Variants in ARAP2 observed in about 807,000 individuals in gnomAD.
ARAP2 encodes the protein arf-GAP with Rho-GAP domain, ANK repeat and PH domain-containing protein 2.
In ARAP2, 148 loss-of-function variants were observed where a neutral mutation model predicts 194.5. That is an observed-to-expected ratio of 0.76 (90% confidence interval 0.67 to 0.87). The LOEUF (loss-of-function observed/expected upper bound fraction) is 0.87. Among genes scored for constraint, ARAP2 ranks in the 40% least tolerant of loss-of-function variants. The pLI, the probability that ARAP2 is intolerant of heterozygous loss-of-function variation, is 0.00. For synonymous variants in ARAP2, 695 were observed against 683.5 expected (o/e 1.02, Z -0.26); for missense variants, 2,128 against 1,989.7 (o/e 1.07, Z -1.32).
chr4:36,151,701 T>G (rs58534135), intron 15 of ARAP2, among the ~76,000 whole-genome samples: 1 of 152,164 alleles, frequency 6.6e-6, no homozygotes, highest in African/African-American at 2.4e-5. Flanking sequence ...GCATACTGAA[T>G]TACTAAAGGT....
chr4:36,124,219 A>G (rs1053577047), intron 22 of ARAP2, among the ~76,000 whole-genome samples: 2 of 151,866 alleles, frequency 1.3e-5, no homozygotes, highest in African/African-American at 4.8e-5. Context: ...AAATTTACTC[A>G]AGAGAGTATT....
chr4:36,213,280 C>T lies in ARAP2; in HGVS notation c.1004G>A (p.Gly335Glu). 1 of 1,608,262 alleles carries T rather than the reference C, an allele frequency of 6.2e-7. No individual in the cohort carries two copies. Among genetic ancestry groups the T allele is most frequent in the Non-Finnish European group, 8.5e-7 (1 of 1,175,280 alleles). Reference protein sequence around the residue: ...EENSSSIFPYGETFLFQRLEN... With the variant: ...EENSSSIFPYEETFLFQRLEN... ...TAGTCTCTGGAAGAGAAAGGTCTCT[C>T]CATAAGGAAAGATGGAAGATGAATT... Residue 335 changes from glycine (G) to glutamate (E), a missense_variant, in exon 4 of 33, where the codon GGA becomes GAA. Coordinates refer to ENST00000303965, the MANE Select transcript of ARAP2 (RefSeq NM_015230.4).
rs773807295 is a variant in ARAP2, at chr4:36,228,636, A to C, written c.851T>G (p.Leu284Arg). 6.2e-7 allele frequency: 1 copy of C among 1,614,032 alleles called. No homozygotes were observed. ...LVSRPSRSFL[L>R]RHRPVPEIPG... ...AATCTCTGGTACAGGTCGATGTCTTAGCAGAAAAGATCGAGATGGTCTTGA... is the reference window on the plus strand; with the variant it reads ...AATCTCTGGTACAGGTCGATGTCTTCGCAGAAAAGATCGAGATGGTCTTGA... The change falls in exon 2 of 33, where the codon CTA becomes CGA. Residue 284 changes from leucine (L) to arginine (R), a missense_variant. Physicochemically the swap from Leu to Arg is moderately radical, Grantham distance 102. Transcript: ENST00000303965.
chr4:36,211,265 T>G (rs1361668705), intron 5 of ARAP2, among the ~76,000 whole-genome samples: 1 of 152,144 alleles, frequency 6.6e-6, no homozygotes, highest in Non-Finnish European at 1.5e-5. Flanking sequence ...TATTTTGCAA[T>G]GCTGATGAGG....
intron 28 of ARAP2, among the ~76,000 whole-genome samples, chr4:36,088,557 G>A (rs1313234264): frequency 1.3e-5 from 2 of 152,038 alleles, no homozygotes; most frequent in Admixed American, 6.6e-5. Flanking sequence ...TTCAAATGCA[G>A]TATATAATAT....
chr4:36,084,249 C>T (rs1430507340), intron 28 of ARAP2, among the ~76,000 whole-genome samples: 1 of 152,074 alleles, frequency 6.6e-6, no homozygotes, highest in East Asian at 1.9e-4. Flanking sequence ...AGTTCTGTCC[C>T]TCTAGAGGAC....
intron 15 of ARAP2, 88 bp downstream of exon 15, chr4:36,158,642 C>T: frequency 8.6e-7 from 1 of 1,168,112 alleles, no homozygotes; most frequent in Non-Finnish European, 1.2e-6. Flanking sequence ...AATCTAACAT[C>T]TCAAAAAAAT....
At chr4:36,171,954 T>C (rs377698193) in intron 9 of ARAP2, among the ~76,000 whole-genome samples, 2 of 152,176 alleles carry the variant, frequency 1.3e-5, no homozygotes. Context: ...ATTCTTATTA[T>C]GAAAAATAGG....
In ARAP2 at chr4:36,106,159, G is replaced by T. The variant is rs1055102397; in HGVS notation, c.4285+1406C>A. ...GTTCCATGTCTTGTGGGCGGGGAGG[G>T]GAGGGAGGGGAAATCATTCCTAGCT... On this transcript the variant is annotated intron_variant, in intron 27 of 32. Coordinates refer to ENST00000303965, the MANE Select transcript of ARAP2 (RefSeq NM_015230.4). 3.3e-5 allele frequency among the ~76,000 whole-genome samples: 5 copies of T among 152,036 alleles called. No homozygotes were observed. In the East Asian group the frequency reaches 9.8e-4, roughly 30 times the overall value.
chr4:36,032,287 C>T (rs764774777), intron 5 of ARAP2, among the ~76,000 whole-genome samples: 9 of 152,140 alleles, frequency 5.9e-5, no homozygotes, highest in Non-Finnish European at 1.2e-4. Context: ...AAGAGATTCT[C>T]GCTAAAGACA....
intron 15 of ARAP2, among the ~76,000 whole-genome samples, chr4:36,155,656 TTTTTTTA>T (rs1165753840): frequency 4.6e-5 from 7 of 151,720 alleles, no homozygotes; most frequent in Non-Finnish European, 8.8e-5. Flanking sequence ...TATTTATTTT[TTTTTTTA>T]TTTTTAATTT....
intron 5 of ARAP2, among the ~76,000 whole-genome samples, chr4:36,028,495 C>A (rs1485212715): frequency 6.6e-6 from 1 of 151,616 alleles, no homozygotes; most frequent in African/African-American, 2.4e-5. Flanking sequence ...TACAAAGTAA[C>A]CTTTCTTGAT....
intron 32 of ARAP2, among the ~76,000 whole-genome samples, chr4:36,069,306 T>C (rs574917701): frequency 2.8e-4 from 43 of 152,298 alleles, no homozygotes; most frequent in African/African-American, 8.2e-4. Context: ...TTAAGCTATA[T>C]ACATTTTTCC....
At chr4:36,036,767 C>T (rs1305350544) in intron 5 of ARAP2, among the ~76,000 whole-genome samples, 2 of 152,052 alleles carry the variant, frequency 1.3e-5, no homozygotes, top group African/African-American at 4.8e-5. Flanking sequence ...ATAGCTTTTG[C>T]TAGTATAGCT....
In ARAP2 at chr4:36,067,033, A is replaced by G. The variant is rs762844935; in HGVS notation, c.*874T>C. 1 of 152,244 alleles carries G rather than the reference A, an allele frequency of 6.6e-6. No individual in the cohort carries two copies. The highest frequency in any genetic ancestry group is 1.5e-5 in the Non-Finnish European group (1 of 68,042). The allele number at this position is 152,244 out of a possible 1,614,324, so 9.4% of individuals were successfully genotyped here. A position where few individuals can be genotyped will look rare whatever the true frequency, so the allele number is the denominator to read the frequency against. ...CCAAAAGTATAGTCAGAAATTCTGA[A>G]AAAAGACAAAATGCTTGCATACAAT... On this transcript the variant is annotated 3_prime_UTR_variant, in exon 33 of 33. Coordinates refer to ENST00000303965, the MANE Select transcript of ARAP2 (RefSeq NM_015230.4).
chr4:36,210,026 A>T (rs548933855), intron 6 of ARAP2, among the ~76,000 whole-genome samples: 2 of 152,318 alleles, frequency 1.3e-5, no homozygotes, highest in African/African-American at 4.8e-5. Flanking sequence ...CAAAAGCCAA[A>T]CAGTGTGGGC....
intron 1 of ARAP2, among the ~76,000 whole-genome samples, chr4:36,234,973 T>C (rs1752179875): frequency 6.6e-6 from 1 of 152,170 alleles, no homozygotes; most frequent in Non-Finnish European, 1.5e-5. Context: ...CCCAATTCCA[T>C]GAGGCAACAA....
At position 36,073,827 on chromosome 4, in the gene ARAP2, T is replaced by C. The variant is rs1037606932; in HGVS notation, c.4609-4A>G. ...GTGGCCATATATCATATTCATGCTG[T>C]GGAAACACAATTTCTTGCTGTTGGT... On this transcript the variant is annotated splice_polypyrimidine_tract_variant and splice_region_variant and intron_variant, in intron 31 of 32. Transcript: ENST00000303965. The C allele has an allele frequency of 8.1e-6, 13 of 1,612,378 alleles. No homozygotes were observed. The highest frequency in any genetic ancestry group is 5.0e-5 in the Admixed American group (3 of 59,914).
chr4:36,042,322 T>C (rs1721006736), intron 5 of ARAP2, among the ~76,000 whole-genome samples: 1 of 152,238 alleles, frequency 6.6e-6, no homozygotes, highest in African/African-American at 2.4e-5. Context: ...AAGTGCTGAT[T>C]AGACAATAAT....
Sources: gnomAD v4.1 joint callset for allele counts (sites outside exome capture counted in the v4.1 genomes callset) on GRCh38, gnomAD v4.1.1 for gene constraint, MANE v1.5 for transcripts, NCBI Gene and HGNC (gene_info 2026-07-23, HGNC 2026-07-21) for gene names.